ERC2: variants seen among roughly 807,000 people sequenced by gnomAD.
ERC2 encodes ERC protein 2.
ERC2 carries 42 observed loss-of-function variants against 114.8 expected under a neutral mutation model. That is an observed-to-expected ratio of 0.37 (90% CI 0.29 to 0.47). ERC2 has a LOEUF of 0.47. Among genes scored for constraint, ERC2 ranks in the 20% least tolerant of loss-of-function variants. The probability of loss-of-function intolerance (pLI) is 0.99; values close to 1 mark genes in which losing one functional copy is unlikely to be tolerated. For synonymous variants in ERC2, 454 were observed against 425.5 expected (o/e 1.07, Z -0.82); for missense variants, 939 against 1,150.7 (o/e 0.82, Z 2.66).
intron 17 of ERC2, among the ~76,000 whole-genome samples, chr3:55,585,719 G>A (rs997187479): frequency 6.6e-6 from 1 of 152,154 alleles, no homozygotes; most frequent in Non-Finnish European, 1.5e-5. Flanking sequence ...TAAGGCTACC[G>A]AAGGGGCTCC....
chr3:55,752,500 G>C (rs1193386512), intron 14 of ERC2, among the ~76,000 whole-genome samples: 1 of 152,214 alleles, frequency 6.6e-6, no homozygotes, highest in Non-Finnish European at 1.5e-5. Flanking sequence ...TAATTGAACA[G>C]TTTTGCCAAG....
At chr3:55,626,408 C>T (rs2059526197) in intron 17 of ERC2, among the ~76,000 whole-genome samples, 2 of 152,224 alleles carry the variant, frequency 1.3e-5, no homozygotes. Context: ...AGTAACTTCC[C>T]TAAGTCCGCT....
intron 14 of ERC2, among the ~76,000 whole-genome samples, chr3:55,845,483 G>A (rs1475690923): frequency 8.4e-6 from 1 of 118,796 alleles, no homozygotes; most frequent in South Asian, 2.7e-4. Context: ...CAGCCTGGGC[G>A]ACAGAGCGAG....
chr3:56,373,042 A>G (rs555717381), intron 2 of ERC2, among the ~76,000 whole-genome samples: 1 of 152,240 alleles, frequency 6.6e-6, no homozygotes, highest in East Asian at 1.9e-4. Flanking sequence ...TTGTACTTTG[A>G]CAAATACAGA....
At chr3:56,175,519 C>A (rs1029921677) in intron 3 of ERC2, among the ~76,000 whole-genome samples, 1 of 152,074 alleles carries the variant, frequency 6.6e-6, no homozygotes, top group African/African-American at 2.4e-5. Flanking sequence ...AAGGAAGGAC[C>A]CTAAAGGCAG....
At chr3:56,436,457 ACCTG>A (rs1446851226) in intron 1 of ERC2, among the ~76,000 whole-genome samples, 1 of 152,108 alleles carries the variant, frequency 6.6e-6, no homozygotes, top group Non-Finnish European at 1.5e-5. Flanking sequence ...TTTTATTTTC[ACCTG>A]CCTATCATTC....
At chr3:55,588,479 C>T (rs1375152463) in intron 17 of ERC2, among the ~76,000 whole-genome samples, 1 of 152,240 alleles carries the variant, frequency 6.6e-6, no homozygotes, top group African/African-American at 2.4e-5. Flanking sequence ...TAAAAAGACA[C>T]ACGAACCTTA....
intron 1 of ERC2, among the ~76,000 whole-genome samples, chr3:56,446,626 TTTC>T (rs1455634807): frequency 4.3e-5 from 2 of 46,302 alleles, no homozygotes; most frequent in Admixed American, 1.8e-4. Flanking sequence ...TTTTTTTTTC[TTTC>T]TTTTTTTTTT....
At chr3:55,645,831 G>A (rs983299314) in intron 17 of ERC2, among the ~76,000 whole-genome samples, 6 of 152,072 alleles carry the variant, frequency 3.9e-5, no homozygotes, top group East Asian at 3.9e-4. Context: ...ATGAATTTTC[G>A]GATAAGGGAA....
chr3:55,816,413 G>A (rs900522082), intron 14 of ERC2, among the ~76,000 whole-genome samples: 16 of 152,194 alleles, frequency 1.1e-4, no homozygotes, highest in Admixed American at 6.5e-4. Flanking sequence ...CCATACCAAT[G>A]TGCACATCTT....
At chr3:56,215,088 C>T (rs1445983556) in intron 3 of ERC2, among the ~76,000 whole-genome samples, 5 of 152,176 alleles carry the variant, frequency 3.3e-5, no homozygotes, top group Admixed American at 2.0e-4. Flanking sequence ...CATCAACTAA[C>T]GAGCAAAATA....
At chr3:56,062,248 T>A (rs937906260) in intron 7 of ERC2, among the ~76,000 whole-genome samples, 3 of 152,116 alleles carry the variant, frequency 2.0e-5, no homozygotes, top group African/African-American at 4.8e-5. Context: ...AAATGAAAAA[T>A]AAACAGGATA....
At chr3:55,893,882 C>A (rs188308850) in intron 13 of ERC2, among the ~76,000 whole-genome samples, 9 of 152,140 alleles carry the variant, frequency 5.9e-5, no homozygotes, top group Admixed American at 2.6e-4. Context: ...ATGTGTGTAT[C>A]CCTAGCCTCT....
At chr3:55,848,135 A>G (rs1490659642) in intron 14 of ERC2, among the ~76,000 whole-genome samples, 3 of 152,154 alleles carry the variant, frequency 2.0e-5, no homozygotes, top group Non-Finnish European at 4.4e-5. Flanking sequence ...AAACGTAACC[A>G]AAAATAACAA....
intron 3 of ERC2, among the ~76,000 whole-genome samples, chr3:56,208,515 T>C (rs574958807): frequency 1.3e-5 from 2 of 152,326 alleles, no homozygotes; most frequent in South Asian, 2.1e-4. Flanking sequence ...ATCTTATTAA[T>C]TTACAGATTT....
At chr3:56,383,024 G>GT (rs901479216) in intron 2 of ERC2, among the ~76,000 whole-genome samples, 38 of 151,628 alleles carry the variant, frequency 2.5e-4, no homozygotes, top group African/African-American at 5.8e-4. Context: ...TCTTAATTAT[G>GT]TTTTTTTTCC....
chr3:56,291,382 G>GTTGCTT (rs2055075137), intron 3 of ERC2, among the ~76,000 whole-genome samples: 1 of 152,190 alleles, frequency 6.6e-6, no homozygotes, highest in Non-Finnish European at 1.5e-5. Flanking sequence ...CAAGTAAGTT[G>GTTGCTT]AGATCATAAC....
At chr3:56,127,013 C>T (rs1315874787) in intron 6 of ERC2, among the ~76,000 whole-genome samples, 1 of 151,926 alleles carries the variant, frequency 6.6e-6, no homozygotes, top group African/African-American at 2.4e-5. Context: ...AAATCAGTAT[C>T]ATTTATATAG....
At chr3:56,389,889 G>A (rs1163868420) in intron 2 of ERC2, among the ~76,000 whole-genome samples, 1 of 152,140 alleles carries the variant, frequency 6.6e-6, no homozygotes. Context: ...TGGAGTCCAA[G>A]AACAGGCAAC....
Sources: gnomAD v4.1 joint callset for allele counts (sites outside exome capture counted in the v4.1 genomes callset) on GRCh38, gnomAD v4.1.1 for gene constraint, MANE v1.5 for transcripts, NCBI Gene and HGNC (gene_info 2026-07-23, HGNC 2026-07-21) for gene names.